Variants in LTBP1 observed in about 807,000 individuals in gnomAD.
LTBP1 encodes the protein latent-transforming growth factor beta-binding protein 1.
Under a neutral mutation model 207.6 loss-of-function variants are expected in LTBP1, and 129 were observed. The observed-to-expected ratio is 0.62, with a 90% confidence interval of 0.54 to 0.72. The LOEUF is 0.72. LTBP1 is among the 30% of genes least tolerant of loss of function. The pLI, the probability that LTBP1 is intolerant of heterozygous loss-of-function variation, is 0.00. For missense variants in LTBP1, 2,281 were observed against 2,217.2 expected, an observed-to-expected ratio of 1.03 and a Z score of -0.58; for synonymous variants, 963 against 833.7, an observed-to-expected ratio of 1.16 and a Z score of -2.67.
rs569547551 is a variant in LTBP1 at position 33,118,355 on chromosome 2, T to G, written c.1033+7604T>G. On this transcript the variant is annotated intron_variant, in intron 4 of 33. Transcript: ENST00000404816. ...ACTGCTTAAGCATTTAAGAGGAATA[T>G]TAGGTGTGAAAACAAACTGTTTTAA... Among the ~76,000 whole-genome samples the G allele has an allele frequency of 2.6e-5, 4 of 152,240 alleles. No homozygotes were observed. The South Asian group carries it at 8.3e-4, about 32-fold the overall frequency.
chr2:33,331,410 G>A (rs1301656660), intron 24 of LTBP1, among the ~76,000 whole-genome samples: 1 of 151,796 alleles, frequency 6.6e-6, no homozygotes, highest in African/African-American at 2.4e-5. Context: ...TTGATATGTT[G>A]TATTTTGTTA....
intron 2 of LTBP1, among the ~76,000 whole-genome samples, chr2:33,009,365 C>T (rs550649327): frequency 1.3e-5 from 2 of 152,242 alleles, no homozygotes; most frequent in Admixed American, 1.3e-4. Context: ...ACCCCCAGTA[C>T]CTCAGAATGT....
chr2:33,114,641 C>T (rs1477212405), intron 4 of LTBP1, among the ~76,000 whole-genome samples: 1 of 152,148 alleles, frequency 6.6e-6, no homozygotes, highest in African/African-American at 2.4e-5. Context: ...CATGAACTAC[C>T]AGGAAGCTGC....
intron 24 of LTBP1, among the ~76,000 whole-genome samples, chr2:33,320,619 A>G (rs2094340727): frequency 6.6e-6 from 1 of 152,218 alleles, no homozygotes; most frequent in Non-Finnish European, 1.5e-5. Flanking sequence ...AAAGCCCATC[A>G]ATAAATAGGT....
chr2:33,090,193 G>A lies in LTBP1; in HGVS notation c.864-20389G>A, dbSNP rs556526309. Among the ~76,000 whole-genome samples the A allele has an allele frequency of 9.8e-5, 15 of 152,334 alleles. No individual in the cohort carries two copies. The East Asian group carries it at 2.5e-3, about 25-fold the overall frequency. ...TCATTTGCTCTGTCTTTCAGACATG[G>A]TGAAATGTTTCATATTTGAGTAATT... On this transcript the variant is annotated intron_variant, in intron 3 of 33. Transcript: ENST00000404816.
At chr2:33,084,008 C>A (rs1412510591) in intron 3 of LTBP1, among the ~76,000 whole-genome samples, 1 of 152,134 alleles carries the variant, frequency 6.6e-6, no homozygotes, top group Non-Finnish European at 1.5e-5. Context: ...CTTGGGGAGA[C>A]CTTGCCGAGT....
chr2:33,329,626 A>G (rs1485479362), intron 24 of LTBP1, among the ~76,000 whole-genome samples: 1 of 152,084 alleles, frequency 6.6e-6, no homozygotes, highest in African/African-American at 2.4e-5. Flanking sequence ...AAATTAGGTC[A>G]TCACTGTTTA....
At chr2:32,999,616 G>A (rs1294405648) in intron 2 of LTBP1, among the ~76,000 whole-genome samples, 2 of 134,284 alleles carry the variant, frequency 1.5e-5, no homozygotes, top group Non-Finnish European at 3.3e-5. Flanking sequence ...AGGCGGCTGG[G>A]CGCGGTGGCT....
chr2:33,157,644 A>T lies in LTBP1; in HGVS notation c.1201+22684A>T, dbSNP rs573573398. Among the ~76,000 whole-genome samples the T allele has an allele frequency of 2.0e-5, 3 of 152,310 alleles. No individual in the cohort carries two copies. The South Asian group carries it at 6.2e-4, about 32-fold the overall frequency. On this transcript the variant is annotated intron_variant, in intron 5 of 33. Transcript: ENST00000404816. The stretch of plus-strand genomic sequence containing the variant: ...GTTTTTGCAAGATTTTTATATCCAG[A>T]ACATTTTAAAATTGGCCATCTATAG...
intron 24 of LTBP1, among the ~76,000 whole-genome samples, chr2:33,319,525 C>T (rs2094322795): frequency 6.6e-6 from 1 of 152,048 alleles, no homozygotes. Context: ...TCCTAGGGGT[C>T]ACCACGTCTG....
At chr2:33,269,997 G>A (rs560402051) in intron 15 of LTBP1, among the ~76,000 whole-genome samples, 216 of 140,860 alleles carry the variant, frequency 1.5e-3, no homozygotes, top group African/African-American at 5.7e-3. Context: ...GCAAAGTCTC[G>A]CCCTGTCACT....
chr2:32,948,237 A>G (rs1558422482), intron 1 of LTBP1, among the ~76,000 whole-genome samples: 1 of 152,242 alleles, frequency 6.6e-6, no homozygotes, highest in East Asian at 1.9e-4. Context: ...GGCTAGCCGT[A>G]AAGATCCAGC....
chr2:33,049,438 T>C (rs1385637582), intron 3 of LTBP1, among the ~76,000 whole-genome samples: 1 of 152,162 alleles, frequency 6.6e-6, no homozygotes, highest in Non-Finnish European at 1.5e-5. Context: ...AAATATCTCT[T>C]TTGAGCTAGG....
chr2:33,269,955 T>A (rs1171284789), intron 15 of LTBP1, among the ~76,000 whole-genome samples: 1 of 144,540 alleles, frequency 6.9e-6, no homozygotes, highest in African/African-American at 2.5e-5. Context: ...TTTTTTTACC[T>A]GATATTCAAC....
chr2:33,107,516 A>G (rs1572666246), intron 3 of LTBP1, among the ~76,000 whole-genome samples: 1 of 152,112 alleles, frequency 6.6e-6, no homozygotes, highest in South Asian at 2.1e-4. Context: ...AGCTTTGTCA[A>G]ATGTTAACTC....
chr2:33,357,275 C>G lies in LTBP1; in HGVS notation c.4001-3322C>G, dbSNP rs771821227. Among the ~76,000 whole-genome samples the G allele has an allele frequency of 3.2e-4, 48 of 152,310 alleles. 1 individual carries two copies. Among genetic ancestry groups the G allele is most frequent in the Non-Finnish European group, 5.6e-4 (38 of 68,032 alleles). Reference sequence around the variant, plus strand: ...AGGTGGTGCCTTCAGCTCAAACCTACTCCTTCCTATTCAGAGCCAGGGGAC... The same window carrying G: ...AGGTGGTGCCTTCAGCTCAAACCTAGTCCTTCCTATTCAGAGCCAGGGGAC... On this transcript the variant is annotated intron_variant, in intron 26 of 33. Coordinates refer to ENST00000404816, the MANE Select transcript of LTBP1 (RefSeq NM_206943.4).
chr2:33,232,668 G>A (rs751660368), intron 9 of LTBP1, among the ~76,000 whole-genome samples: 15 of 152,074 alleles, frequency 9.9e-5, no homozygotes, highest in Non-Finnish European at 1.0e-4. Context: ...CAACAAATAG[G>A]TTTTTAAAGT....
At chr2:33,108,149 G>A (rs2080172632) in intron 3 of LTBP1, among the ~76,000 whole-genome samples, 1 of 152,068 alleles carries the variant, frequency 6.6e-6, no homozygotes, top group Non-Finnish European at 1.5e-5. Context: ...TATAATGCTT[G>A]TAGGATGAGT....
chr2:33,130,504 G>A (rs2081712651), intron 4 of LTBP1, among the ~76,000 whole-genome samples: 1 of 152,110 alleles, frequency 6.6e-6, no homozygotes, highest in Non-Finnish European at 1.5e-5. Flanking sequence ...CCCTTTTCTA[G>A]ACTGATGTCT....
Sources: gnomAD v4.1 joint callset for allele counts (sites outside exome capture counted in the v4.1 genomes callset) on GRCh38, gnomAD v4.1.1 for gene constraint, MANE v1.5 for transcripts, NCBI Gene and HGNC (gene_info 2026-07-23, HGNC 2026-07-21) for gene names.